Variants in FAM174A observed in about 807,000 individuals in gnomAD.
The protein encoded by FAM174A is family with sequence similarity 174 member A, also known as membrane protein FAM174A.
In FAM174A, 14 loss-of-function variants were observed where a neutral mutation model predicts 14.3. The ratio of observed to expected loss-of-function variants is 0.98; its 90% CI spans 0.65 to 1.53. The LOEUF is 1.53. FAM174A is among the 40% of genes most tolerant of loss of function. The pLI is 0.00. For missense variants in FAM174A, 241 were observed against 249.6 expected, an observed-to-expected ratio of 0.97 and a Z score of 0.23; for synonymous variants, 108 against 111.4, an observed-to-expected ratio of 0.97 and a Z score of 0.19.
Position 100,535,579 on chromosome 5 carries a change from G to A in FAM174A, c.49G>A (p.Val17Ile). ...CCCLSHLLAS[V>I]LLLLLLPELS... ...CTGTCTCAGCCACCTCTTGGCTTCC[G>A]TCCTCCTCCTGCTGTTGCTGCCTGA... Residue 17 changes from valine (V) to isoleucine (I), a missense_variant, in exon 1 of 3, where the codon GTC becomes ATC. Physicochemically the swap from Val to Ile is conservative, Grantham distance 29 (BLOSUM62 3). Coordinates refer to ENST00000312637, the MANE Select transcript of FAM174A (RefSeq NM_198507.3). 6.2e-7 allele frequency: 1 copy of A among 1,613,246 alleles called. No individual in the cohort carries two copies. The highest frequency in any genetic ancestry group is 1.3e-5 in the African/African-American group (1 of 75,068).
chr5:100,537,490 G>A (rs966349230), intron 1 of FAM174A, among the ~76,000 whole-genome samples: 10 of 152,118 alleles, frequency 6.6e-5, no homozygotes, highest in Non-Finnish European at 1.2e-4. Flanking sequence ...GTTGATATGT[G>A]TAATTCACAT....
chr5:100,570,819 C>T (rs890996575), intron 2 of FAM174A, among the ~76,000 whole-genome samples: 1 of 151,918 alleles, frequency 6.6e-6, no homozygotes, highest in African/African-American at 2.4e-5. Flanking sequence ...AGTAGGTTAG[C>T]TGTCAGTTTT....
intron 1 of FAM174A, among the ~76,000 whole-genome samples, chr5:100,544,436 C>T (rs567049083): frequency 0.018 from 2,616 of 142,558 alleles, 33 homozygotes; most frequent in Non-Finnish European, 0.029. Flanking sequence ...AGAGAGAGAT[C>T]GAGAGACAGA....
rs549304028 is a variant in FAM174A at position 100,559,882 on chromosome 5, CA to C, written c.435-2171del. 6.9e-3 allele frequency among the ~76,000 whole-genome samples: 1,051 copies of C among 152,098 alleles called. 10 individuals carry two copies. The highest frequency in any genetic ancestry group is 0.01 in the Middle Eastern group (3 of 294). ...TTTTCAAGGTTTTTAACTTCTTTGC[CA>C]TGGGTTCGAACTTCCTCCTTTAGCT... On this transcript the variant is annotated intron_variant, in intron 1 of 2. Coordinates refer to ENST00000312637, the MANE Select transcript of FAM174A (RefSeq NM_198507.3).
intron 1 of FAM174A, among the ~76,000 whole-genome samples, chr5:100,543,560 A>G (rs1175285170): frequency 6.6e-6 from 1 of 151,842 alleles, no homozygotes; most frequent in East Asian, 1.9e-4. Context: ...CAATGTTCAT[A>G]CTCTTTAGTA....
chr5:100,569,030 C>T (rs1043264665), intron 2 of FAM174A, among the ~76,000 whole-genome samples: 6 of 151,892 alleles, frequency 4.0e-5, no homozygotes, highest in Non-Finnish European at 5.9e-5. Flanking sequence ...TACAGACACA[C>T]ACAAAAGTTC....
At chr5:100,540,760 A>T (rs560926400) in intron 1 of FAM174A, among the ~76,000 whole-genome samples, 148 of 152,294 alleles carry the variant, frequency 9.7e-4, no homozygotes, top group Non-Finnish European at 1.8e-3. Context: ...GTGATAATAG[A>T]ATGCTCTGTT....
rs540035307 is a variant in FAM174A at position 100,539,009 on chromosome 5, T to C, written c.434+3045T>C. On this transcript the variant is annotated intron_variant, in intron 1 of 2. Coordinates refer to ENST00000312637, the MANE Select transcript of FAM174A (RefSeq NM_198507.3). ...TATTTCCTTTTTCATGCCATGTCGT[T>C]GGTTTTTCGTTTTTTATTCAATTTG... Among the ~76,000 whole-genome samples, 19 of 152,290 alleles carry C rather than the reference T, an allele frequency of 1.2e-4. No homozygotes were observed. The East Asian group carries it at 3.7e-3, about 29-fold the overall frequency.
rs764134031 is a variant in FAM174A at position 100,586,178 on chromosome 5, C to G, written c.570-3C>G. On this transcript the variant is annotated splice_region_variant and splice_polypyrimidine_tract_variant and intron_variant, in intron 2 of 2. Transcript: ENST00000312637. ...TTATGGTATTTTTTTCTTTTTCTTG[C>G]AGATAAGAATGTGCCTTTTGATGAA... 6.5e-6 allele frequency: 9 copies of G among 1,387,782 alleles called. No homozygotes were observed. The highest frequency in any genetic ancestry group is 2.0e-5 in the Admixed American group (1 of 51,268). The allele number at this position is 1,387,782 out of a possible 1,614,324, so 86.0% of individuals were successfully genotyped here.
intron 2 of FAM174A, among the ~76,000 whole-genome samples, chr5:100,569,921 A>T (rs536336534): frequency 1.3e-5 from 2 of 151,814 alleles, no homozygotes; most frequent in Admixed American, 6.6e-5. Context: ...GTTTTGACTA[A>T]ATCGGGAATA....
chr5:100,569,197 A>G (rs1298727719), intron 2 of FAM174A, among the ~76,000 whole-genome samples: 1 of 151,882 alleles, frequency 6.6e-6, no homozygotes, highest in Non-Finnish European at 1.5e-5. Context: ...CATTTCTTAC[A>G]TAAGATGTAA....
At chr5:100,571,478 A>T (rs187242632) in intron 2 of FAM174A, among the ~76,000 whole-genome samples, 10 of 151,242 alleles carry the variant, frequency 6.6e-5, no homozygotes, top group South Asian at 2.1e-4. Context: ...GAAATCAATT[A>T]AGTGGTGAAT....
chr5:100,584,946 A>G (rs776493625), intron 2 of FAM174A, among the ~76,000 whole-genome samples: 1 of 151,856 alleles, frequency 6.6e-6, no homozygotes, highest in Non-Finnish European at 1.5e-5. Context: ...CAATAGTGGC[A>G]TTTTGTATGG....
chr5:100,550,323 C>T (rs967719292), intron 1 of FAM174A, among the ~76,000 whole-genome samples: 11 of 152,000 alleles, frequency 7.2e-5, no homozygotes, highest in South Asian at 2.1e-4. Context: ...GTCCATATTA[C>T]GATTTTAAAT....
Position 100,586,171 on chromosome 5 carries a change from T to G in FAM174A, c.570-10T>G. On this transcript the variant is annotated splice_polypyrimidine_tract_variant and intron_variant, in intron 2 of 2. Transcript: ENST00000312637. The stretch of plus-strand genomic sequence containing the variant: ...AGGATATTTATGGTATTTTTTTCTT[T>G]TTCTTGCAGATAAGAATGTGCCTTT... 1 of 1,375,760 alleles carries G rather than the reference T, an allele frequency of 7.3e-7. No individual in the cohort carries two copies. The highest frequency in any genetic ancestry group is 1.3e-5 in the South Asian group (1 of 76,680). 85.2% of individuals were successfully genotyped at this position (1,375,760 alleles called of 1,614,324 possible). A position where few individuals can be genotyped will look rare whatever the true frequency, so the allele number is the denominator to read the frequency against.
intron 1 of FAM174A, among the ~76,000 whole-genome samples, chr5:100,559,099 TGCTTCCTTCAGGA>T (rs1237760285): frequency 1.3e-5 from 2 of 152,286 alleles, no homozygotes; most frequent in Admixed American, 1.3e-4. Context: ...CCATGTTTAG[TGCTTCCTTCAGGA>T]GCTCATTTAG....
chr5:100,540,452 T>A (rs973209659), intron 1 of FAM174A, among the ~76,000 whole-genome samples: 2 of 152,150 alleles, frequency 1.3e-5, no homozygotes, highest in Non-Finnish European at 2.9e-5. Flanking sequence ...TTTCCTAACA[T>A]GTGTAAATTG....
intron 2 of FAM174A, among the ~76,000 whole-genome samples, chr5:100,579,765 C>G (rs1746974174): frequency 1.3e-5 from 2 of 152,086 alleles, no homozygotes; most frequent in African/African-American, 4.8e-5. Flanking sequence ...GCACACTAGC[C>G]TCTTAGTACT....
Position 100,535,556 on chromosome 5 carries a change from G to T in FAM174A, c.26G>T (p.Cys9Phe). The T allele has an allele frequency of 6.2e-7, 1 of 1,613,178 alleles. No individual in the cohort carries two copies. Among genetic ancestry groups the T allele is most frequent in the Non-Finnish European group, 8.5e-7 (1 of 1,179,956 alleles). The stretch of plus-strand genomic sequence containing the variant: ...ATGAAGGCCTCGCAGTGCTGCTGCT[G>T]TCTCAGCCACCTCTTGGCTTCCGTC... MKASQCCC[C>F]LSHLLASVLL... The change falls in exon 1 of 3, where the codon TGT (cysteine) becomes TTT (phenylalanine). Residue 9 changes from cysteine to phenylalanine, a missense_variant. By Grantham distance (205) the Cys-to-Phe change is radical (BLOSUM62 -2). Transcript: ENST00000312637.
Sources: gnomAD v4.1 joint callset for allele counts (sites outside exome capture counted in the v4.1 genomes callset) on GRCh38, gnomAD v4.1.1 for gene constraint, MANE v1.5 for transcripts, NCBI Gene and HGNC (gene_info 2026-07-23, HGNC 2026-07-21) for gene names.